Variants in EFCAB11 observed in about 807,000 individuals in gnomAD.
EFCAB11 encodes EF-hand calcium binding domain 11, also known as EF-hand calcium-binding domain-containing protein 11.
A neutral mutation model predicts 23.0 loss-of-function variants in EFCAB11; 14 were observed. The observed-to-expected ratio is 0.61, with a 90% CI of 0.40 to 0.95. The LOEUF (loss-of-function observed/expected upper bound fraction) is 0.95. Among genes scored for constraint, EFCAB11 ranks in the 40% least tolerant of loss-of-function variants. The pLI, the probability that EFCAB11 is intolerant of heterozygous loss-of-function variation, is 0.00. For synonymous variants in EFCAB11, 65 were observed against 66.6 expected (o/e 0.98, Z 0.11); for missense variants, 198 against 195.8 (o/e 1.01, Z -0.07).
chr14:89,847,758 A>G (rs1887479581), intron 5 of EFCAB11, among the ~76,000 whole-genome samples: 1 of 125,486 alleles, frequency 8.0e-6, no homozygotes, highest in Non-Finnish European at 1.7e-5. Flanking sequence ...AAAAAAAAAA[A>G]AGAAAGAAAG....
intron 5 of EFCAB11, among the ~76,000 whole-genome samples, chr14:89,930,271 C>A (rs1362256753): frequency 1.3e-5 from 2 of 152,144 alleles, no homozygotes; most frequent in Non-Finnish European, 2.9e-5. Flanking sequence ...ATTCAAATAA[C>A]CTATTTACTA....
chr14:89,858,660 T>TTG (rs1160250736), intron 5 of EFCAB11, among the ~76,000 whole-genome samples: 4 of 137,296 alleles, frequency 2.9e-5, no homozygotes, highest in African/African-American at 8.4e-5. Context: ...CAGCTAATTT[T>TTG]TTTTTTTTTT....
intron 5 of EFCAB11, among the ~76,000 whole-genome samples, chr14:89,863,128 A>G (rs1336584262): frequency 6.6e-6 from 1 of 152,242 alleles, no homozygotes; most frequent in East Asian, 1.9e-4. Context: ...ATGAAGAGTA[A>G]AGGACAGGAA....
At chr14:89,896,827 G>T (rs961862232) in intron 5 of EFCAB11, among the ~76,000 whole-genome samples, 2 of 152,094 alleles carry the variant, frequency 1.3e-5, no homozygotes, top group Non-Finnish European at 2.9e-5. Flanking sequence ...GGGCCCAAGC[G>T]ATCCTCCCAC....
intron 5 of EFCAB11, chr14:89,924,287 T>C (rs2281754): frequency 0.13 from 132,564 of 1,015,854 alleles, 10,115 homozygotes; most frequent in South Asian, 0.3. Flanking sequence ...TATCAGGATA[T>C]AACTTTAAAC....
At chr14:89,835,908 G>C (rs562643967) in intron 5 of EFCAB11, among the ~76,000 whole-genome samples, 2 of 151,168 alleles carry the variant, frequency 1.3e-5, no homozygotes, top group Admixed American at 6.6e-5. Flanking sequence ...GATTACAGGC[G>C]TGAGCCACTG....
At chr14:89,830,279 A>G (rs1039378887) in intron 5 of EFCAB11, 1 of 152,170 alleles carries the variant, frequency 6.6e-6, no homozygotes, top group African/African-American at 2.4e-5. Context: ...TGGGAATTCC[A>G]TTTTCCCTTA....
intron 5 of EFCAB11, among the ~76,000 whole-genome samples, chr14:89,921,498 C>T (rs1489752560): frequency 6.6e-6 from 1 of 152,138 alleles, no homozygotes; most frequent in Admixed American, 6.5e-5. Context: ...ATATGAATCA[C>T]CTAGGAATAT....
chr14:89,828,936 C>A (rs1172841969), intron 5 of EFCAB11, among the ~76,000 whole-genome samples: 2 of 152,230 alleles, frequency 1.3e-5, no homozygotes, highest in Non-Finnish European at 2.9e-5. Flanking sequence ...TATCCAGGCA[C>A]TGGCTAACGA....
At chr14:89,871,449 G>C (rs1358281652) in intron 5 of EFCAB11, among the ~76,000 whole-genome samples, 2 of 152,130 alleles carry the variant, frequency 1.3e-5, no homozygotes, top group East Asian at 3.8e-4. Flanking sequence ...CACCTCATTG[G>C]TGAGGAAGTC....
intron 5 of EFCAB11, among the ~76,000 whole-genome samples, chr14:89,904,538 G>A (rs1055757407): frequency 6.6e-6 from 1 of 152,132 alleles, no homozygotes; most frequent in Non-Finnish European, 1.5e-5. Flanking sequence ...CTAGATCCTT[G>A]AGGAATCGCC....
At chr14:89,854,019 A>C (rs1887674350) in intron 5 of EFCAB11, among the ~76,000 whole-genome samples, 1 of 152,194 alleles carries the variant, frequency 6.6e-6, no homozygotes, top group South Asian at 2.1e-4. Flanking sequence ...TGAATCAAAA[A>C]GAGAGAGAGC....
intron 5 of EFCAB11, among the ~76,000 whole-genome samples, chr14:89,827,566 T>C (rs1196015353): frequency 2.0e-5 from 3 of 151,886 alleles, no homozygotes; most frequent in South Asian, 2.1e-4. Context: ...CCAGAGACAG[T>C]TGAAGGACCA....
intron 5 of EFCAB11, among the ~76,000 whole-genome samples, chr14:89,800,620 G>C (rs35954694): frequency 0.029 from 4,477 of 152,328 alleles, 101 homozygotes; most frequent in Non-Finnish European, 0.048. Flanking sequence ...AGATGTAAAA[G>C]AGGATAATTA....
At chr14:89,917,207 C>T (rs1235233186) in intron 5 of EFCAB11, among the ~76,000 whole-genome samples, 1 of 152,046 alleles carries the variant, frequency 6.6e-6, no homozygotes, top group Non-Finnish European at 1.5e-5. Flanking sequence ...TTCATTCACC[C>T]TGTAACTAAA....
At chr14:89,921,815 C>G (rs1358052828) in intron 5 of EFCAB11, among the ~76,000 whole-genome samples, 1 of 152,128 alleles carries the variant, frequency 6.6e-6, no homozygotes, top group Non-Finnish European at 1.5e-5. Flanking sequence ...AATTCCTGGC[C>G]TACTTTGTCA....
intron 3 of EFCAB11, among the ~76,000 whole-genome samples, chr14:89,945,603 C>T (rs946099117): frequency 6.6e-6 from 1 of 152,168 alleles, no homozygotes; most frequent in African/African-American, 2.4e-5. Context: ...AAAGAACATA[C>T]TTTGTACTTT....
intron 3 of EFCAB11, among the ~76,000 whole-genome samples, chr14:89,943,610 C>G (rs1241568489): frequency 6.6e-6 from 1 of 152,156 alleles, no homozygotes; most frequent in African/African-American, 2.4e-5. Context: ...ATTTAATCTG[C>G]ACATGTGCTC....
At chr14:89,818,966 TA>T in intron 5 of EFCAB11, among the ~76,000 whole-genome samples, 1 of 152,164 alleles carries the variant, frequency 6.6e-6, no homozygotes, top group East Asian at 1.9e-4. Flanking sequence ...GGCAGTTTTG[TA>T]AAAAAACTAG....
Sources: allele counts gnomAD v4.1 joint callset (sites outside exome capture counted in the v4.1 genomes callset), GRCh38; gene constraint gnomAD v4.1.1; transcripts MANE v1.5; gene names NCBI Gene and HGNC (gene_info 2026-07-23, HGNC 2026-07-21).